SLC35F1: variants seen among roughly 807,000 people sequenced by gnomAD.
The protein encoded by SLC35F1 is chromosome 6 open reading frame 169.
In SLC35F1, 14 loss-of-function variants were observed where a neutral mutation model predicts 48.7. The observed-to-expected ratio is 0.29, with a 90% CI of 0.19 to 0.45. The LOEUF is 0.45. SLC35F1 is among the 20% of genes least tolerant of loss of function. The probability of loss-of-function intolerance (pLI) is 1.00; values close to 1 mark genes in which losing one functional copy is unlikely to be tolerated. For missense variants in SLC35F1, 404 were observed against 500.0 expected (o/e 0.81, Z 1.83); for synonymous variants, 190 against 202.2 (o/e 0.94, Z 0.51).
chr6:118,054,639 C>A (rs9489302), intron 1 of SLC35F1, among the ~76,000 whole-genome samples: 1 of 151,968 alleles, frequency 6.6e-6, no homozygotes, highest in African/African-American at 2.4e-5. Context: ...TACCTGTCAC[C>A]TTCTTCCCTT....
chr6:118,249,908 C>A (rs1305077128), intron 3 of SLC35F1, among the ~76,000 whole-genome samples: 1 of 152,238 alleles, frequency 6.6e-6, no homozygotes, highest in South Asian at 2.1e-4. Context: ...GGCCAGAGAA[C>A]GATGACAGGA....
At chr6:118,180,206 G>A (rs1330331592) in intron 2 of SLC35F1, among the ~76,000 whole-genome samples, 2 of 152,114 alleles carry the variant, frequency 1.3e-5, no homozygotes, top group Admixed American at 1.3e-4. Context: ...GTCTCAGATT[G>A]GTAGTTTCCC....
chr6:118,085,487 C>CTTTTTTTTTTTTTTTTTT (rs59548308), intron 1 of SLC35F1, among the ~76,000 whole-genome samples: 7 of 56,938 alleles, frequency 1.2e-4, no homozygotes, highest in Non-Finnish European at 1.5e-4. Flanking sequence ...TCTTTCTTTC[C>CTTTTTTTTTTTTTTTTTT]TTTTTTTTTT....
intron 1 of SLC35F1, among the ~76,000 whole-genome samples, chr6:117,985,673 A>G (rs1476597387): frequency 6.6e-6 from 1 of 152,230 alleles, no homozygotes; most frequent in African/African-American, 2.4e-5. Flanking sequence ...CTTCAGAGAA[A>G]CTGTGAATAC....
At chr6:118,071,000 A>G (rs1217549383) in intron 1 of SLC35F1, among the ~76,000 whole-genome samples, 35 of 7,390 alleles carry the variant, frequency 4.7e-3, no homozygotes, top group African/African-American at 7.1e-3. Context: ...ACGTGTGTGT[A>G]TATATATACA....
chr6:118,120,257 T>C (rs1334831), intron 1 of SLC35F1, among the ~76,000 whole-genome samples: 49,857 of 152,136 alleles, frequency 0.33, 9,244 homozygotes, highest in Non-Finnish European at 0.43. Context: ...GTCTGAGCTA[T>C]CTGGATAATT....
At chr6:118,138,466 C>G (rs760098735) in intron 1 of SLC35F1, among the ~76,000 whole-genome samples, 16 of 152,138 alleles carry the variant, frequency 1.1e-4, no homozygotes, top group Non-Finnish European at 2.4e-4. Flanking sequence ...CTATCTCTCT[C>G]AAGGAAGAAA....
chr6:118,070,995 T>TATATATATTCTAC (rs1401290575), intron 1 of SLC35F1, among the ~76,000 whole-genome samples: 1 of 730 alleles, frequency 1.4e-3, no homozygotes, highest in African/African-American at 5.1e-3. Context: ...ATTCTACGTG[T>TATATATATTCTAC]GTGTATATAT....
intron 1 of SLC35F1, among the ~76,000 whole-genome samples, chr6:118,011,940 G>A (rs889254793): frequency 3.9e-5 from 6 of 152,100 alleles, no homozygotes; most frequent in Non-Finnish European, 7.4e-5. Flanking sequence ...AGGTCAATCA[G>A]AAAAAGAAAG....
intron 3 of SLC35F1, among the ~76,000 whole-genome samples, chr6:118,258,001 CTGAT>C (rs760883992): frequency 5.9e-5 from 9 of 152,066 alleles, no homozygotes; most frequent in Non-Finnish European, 1.0e-4. Context: ...TTATTACACT[CTGAT>C]TATTTTTTTC....
intron 2 of SLC35F1, among the ~76,000 whole-genome samples, chr6:118,204,164 G>T (rs1182618222): frequency 6.6e-6 from 1 of 151,692 alleles, no homozygotes; most frequent in Non-Finnish European, 1.5e-5. Context: ...AAGTCATGGG[G>T]ACAGCCAGGG....
At position 118,102,416 on chromosome 6, in the gene SLC35F1, T is replaced by G. The variant is rs1582667191; in HGVS notation, c.174-52029T>G. Among the ~76,000 whole-genome samples, 4 of 152,174 alleles carry G rather than the reference T, an allele frequency of 2.6e-5. No homozygotes were observed. The East Asian group carries it at 7.7e-4, about 29-fold the overall frequency. On this transcript the variant is annotated intron_variant, in intron 1 of 7. Transcript: ENST00000360388. ...CCAACCTGATCTTGAACTTCTGGGC[T>G]CAAGTGATCCTTCCACCTTGGACTC...
At chr6:118,146,643 T>G (rs1455899904) in intron 1 of SLC35F1, among the ~76,000 whole-genome samples, 1 of 152,212 alleles carries the variant, frequency 6.6e-6, no homozygotes, top group Non-Finnish European at 1.5e-5. Flanking sequence ...GTTATTTTTA[T>G]ATTCTCTGTT....
intron 1 of SLC35F1, among the ~76,000 whole-genome samples, chr6:117,931,120 T>A (rs1357577077): frequency 6.6e-6 from 1 of 152,202 alleles, no homozygotes; most frequent in Non-Finnish European, 1.5e-5. Context: ...TTGGTGTTGT[T>A]CATTGTTTTT....
chr6:117,945,536 T>G (rs1367862765), intron 1 of SLC35F1, among the ~76,000 whole-genome samples: 1 of 152,210 alleles, frequency 6.6e-6, no homozygotes, highest in East Asian at 1.9e-4. Flanking sequence ...AAAATAAAAG[T>G]TAAGTGCTCA....
At chr6:118,093,478 G>A (rs1419572739) in intron 1 of SLC35F1, among the ~76,000 whole-genome samples, 1 of 152,170 alleles carries the variant, frequency 6.6e-6, no homozygotes, top group East Asian at 1.9e-4. Flanking sequence ...CATGGGGGCA[G>A]GTTATTCCCA....
At chr6:118,189,278 T>C (rs1236543346) in intron 2 of SLC35F1, among the ~76,000 whole-genome samples, 1 of 152,164 alleles carries the variant, frequency 6.6e-6, no homozygotes, top group Non-Finnish European at 1.5e-5. Flanking sequence ...ACACCTGTTA[T>C]CTCTTGTTTT....
rs1259672946 is a variant in SLC35F1, at chr6:117,923,661, A to G, written c.173+15762A>G. Among the ~76,000 whole-genome samples the G allele has an allele frequency of 2.2e-4, 15 of 69,624 alleles. 1 individual carries two copies. Among genetic ancestry groups the G allele is most frequent in the African/African-American group, 8.6e-4 (13 of 15,194 alleles). The allele number at this position is 69,624 out of a possible 152,430, so 45.7% of individuals were successfully genotyped here. On this transcript the variant is annotated intron_variant, in intron 1 of 7. Coordinates refer to ENST00000360388, the MANE Select transcript of SLC35F1 (RefSeq NM_001029858.4). ...TACATATGTACATATGTACATATGT[A>G]TATATACATATATGTACATATATAC...
At position 117,910,679 on chromosome 6, in the gene SLC35F1, C is replaced by T. The variant is rs972718932; in HGVS notation, c.173+2780C>T. Reference sequence around the variant, plus strand: ...GTCTCTTCAGTGACTGAAATGGGGGCTGTACCACTGTCAGCTCCTAGCATC... The same window carrying T: ...GTCTCTTCAGTGACTGAAATGGGGGTTGTACCACTGTCAGCTCCTAGCATC... On this transcript the variant is annotated intron_variant, in intron 1 of 7. Coordinates refer to ENST00000360388, the MANE Select transcript of SLC35F1 (RefSeq NM_001029858.4). Among the ~76,000 whole-genome samples the T allele has an allele frequency of 7.2e-5, 11 of 152,282 alleles. No homozygotes were observed. In the East Asian group the frequency reaches 1.2e-3, roughly 16 times the overall value.
Sources: gnomAD v4.1 joint callset for allele counts (sites outside exome capture counted in the v4.1 genomes callset) on GRCh38, gnomAD v4.1.1 for gene constraint, MANE v1.5 for transcripts, NCBI Gene and HGNC (gene_info 2026-07-23, HGNC 2026-07-21) for gene names.